The following GBF1 variants were observed in gnomAD, a reference collection of about 807,000 sequenced individuals.
The protein encoded by GBF1 is Golgi-specific brefeldin A-resistance guanine nucleotide exchange factor 1.
A neutral mutation model predicts 210.5 loss-of-function variants in GBF1; 114 were observed. The observed-to-expected ratio is 0.54, with a 90% CI of 0.47 to 0.63. The LOEUF (loss-of-function observed/expected upper bound fraction) is 0.63. GBF1 is among the 30% of genes least tolerant of loss of function. The pLI is 0.00. For missense variants in GBF1, 1,851 were observed against 2,357.7 expected, an observed-to-expected ratio of 0.79 and a Z score of 4.45; for synonymous variants, 850 against 889.2, an observed-to-expected ratio of 0.96 and a Z score of 0.78.
chr10:102,342,431 G>T (rs1013491971), intron 3 of GBF1, among the ~76,000 whole-genome samples: 1 of 151,180 alleles, frequency 6.6e-6, no homozygotes, highest in South Asian at 2.1e-4. Context: ...ACACACACAC[G>T]TTCTTCTCTA....
rs201533615 is a variant in GBF1 at position 102,260,060 on chromosome 10, G to A, written c.107G>A (p.Arg36Gln). 29 of 1,585,218 alleles carry A rather than the reference G, an allele frequency of 1.8e-5. No individual in the cohort carries two copies. The highest frequency in any genetic ancestry group is 2.2e-5 in the Non-Finnish European group (25 of 1,154,484). The change falls in exon 3 of 40, where the codon CGG becomes CAG. Residue 36 changes from arginine (R) to glutamine (Q), a missense_variant. Transcript: ENST00000369983. ...WSTHTPLDEE[R>Q]DPLLHSFGHL... is the part of the protein sequence containing the mutation. The stretch of plus-strand genomic sequence containing the variant: ...CTATGTGTTCTACAGGATGAAGAAC[G>A]GGATCCTCTGCTGCATAGTTTCGGT...
intron 1 of GBF1, among the ~76,000 whole-genome samples, chr10:102,256,118 G>T (rs1311014197): frequency 6.6e-6 from 1 of 152,034 alleles, no homozygotes; most frequent in South Asian, 2.1e-4. Flanking sequence ...GCTAATTTTT[G>T]TATTTTTTAT....
At chr10:102,350,585 C>T (rs535910852) in intron 4 of GBF1, among the ~76,000 whole-genome samples, 43 of 152,142 alleles carry the variant, frequency 2.8e-4, no homozygotes, top group African/African-American at 1.0e-3. Flanking sequence ...CCAGGCCCCT[C>T]GTCTATGAAA....
At chr10:102,358,272 C>CTG in intron 9 of GBF1, 86 bp downstream of exon 9, 1 of 1,236,058 alleles carries the variant, frequency 8.1e-7, no homozygotes, top group Non-Finnish European at 1.2e-6. Context: ...GACCAACCAA[C>CTG]TGAGGGGCTT....
chr10:102,284,197 TTTAGAAAAATA>T (rs2075749332), intron 3 of GBF1, among the ~76,000 whole-genome samples: 1 of 152,192 alleles, frequency 6.6e-6, no homozygotes, highest in African/African-American at 2.4e-5. Flanking sequence ...GTTAAAGCAC[TTTAGAAAAATA>T]AAGTCAAATT....
chr10:102,247,322 C>T (rs2070969117), intron 1 of GBF1, among the ~76,000 whole-genome samples: 1 of 152,140 alleles, frequency 6.6e-6, no homozygotes, highest in Non-Finnish European at 1.5e-5. Context: ...ATTATTTATG[C>T]TTCACCTGTG....
Position 102,301,703 on chromosome 10 carries a change from G to A in GBF1, c.163+41587G>A, listed in dbSNP as rs2077376454. The stretch of plus-strand genomic sequence containing the variant: ...CAGAGGCGCTCCCCACATCTCAGAC[G>A]ATGGGCGGCTGGGCAGAGACGCTCC... On this transcript the variant is annotated intron_variant, in intron 3 of 39. Coordinates refer to ENST00000369983, the MANE Select transcript of GBF1 (RefSeq NM_001377137.1). 2.6e-5 allele frequency among the ~76,000 whole-genome samples: 4 copies of A among 151,732 alleles called. No homozygotes were observed. In the South Asian group the frequency reaches 8.3e-4, roughly 32 times the overall value.
intron 3 of GBF1, among the ~76,000 whole-genome samples, chr10:102,293,062 T>C (rs1354549940): frequency 2.0e-5 from 3 of 152,226 alleles, no homozygotes; most frequent in African/African-American, 7.2e-5. Flanking sequence ...AGAGAACCTC[T>C]TCTATTTTCA....
intron 3 of GBF1, among the ~76,000 whole-genome samples, chr10:102,301,509 G>A (rs1488836805): frequency 2.9e-4 from 44 of 152,186 alleles, no homozygotes; most frequent in Non-Finnish European, 6.2e-4. Context: ...CCTCCCAGAC[G>A]GGGCGGCTGC....
At chr10:102,293,215 T>A (rs2076584792) in intron 3 of GBF1, among the ~76,000 whole-genome samples, 1 of 152,142 alleles carries the variant, frequency 6.6e-6, no homozygotes. Flanking sequence ...CATAAGATTA[T>A]AATGGAGGTA....
chr10:102,270,457 G>T (rs1312267482), intron 3 of GBF1, among the ~76,000 whole-genome samples: 1 of 152,124 alleles, frequency 6.6e-6, no homozygotes, highest in Non-Finnish European at 1.5e-5. Context: ...CTGCTCTCCA[G>T]TTTTTTATGA....
At chr10:102,287,900 A>G (rs1364585703) in intron 3 of GBF1, among the ~76,000 whole-genome samples, 1 of 152,202 alleles carries the variant, frequency 6.6e-6, no homozygotes, top group Non-Finnish European at 1.5e-5. Context: ...CAGGAAGTTA[A>G]ATGGAAATTT....
chr10:102,382,501 C>T lies in GBF1; in HGVS notation c.*165C>T, dbSNP rs544573883. Reference sequence around the variant, plus strand: ...AGAATGTTGATAGCCCCAGCTAAGACCCCCAATCAGCTGTGGGACCTTTTT... The same window carrying T: ...AGAATGTTGATAGCCCCAGCTAAGATCCCCAATCAGCTGTGGGACCTTTTT... On this transcript the variant is annotated 3_prime_UTR_variant, in exon 40 of 40. Coordinates refer to ENST00000369983, the MANE Select transcript of GBF1 (RefSeq NM_001377137.1). 3.3e-6 allele frequency: 2 copies of T among 599,098 alleles called. No individual in the cohort carries two copies. The highest frequency in any genetic ancestry group is 3.4e-5 in the Admixed American group (1 of 29,742). The allele number at this position is 599,098 out of a possible 1,614,324, so 37.1% of individuals were successfully genotyped here.
At chr10:102,347,091 T>A (rs1445165665) in intron 4 of GBF1, among the ~76,000 whole-genome samples, 2 of 152,230 alleles carry the variant, frequency 1.3e-5, no homozygotes, top group African/African-American at 4.8e-5. Flanking sequence ...TTTCCCTGAT[T>A]GGCAGCCCAT....
intron 1 of GBF1, among the ~76,000 whole-genome samples, chr10:102,258,414 T>G (rs1363513642): frequency 6.7e-6 from 1 of 148,310 alleles, no homozygotes; most frequent in African/African-American, 2.5e-5. Flanking sequence ...CCTCTGCCTC[T>G]CAAAGTGCTG....
At position 102,362,552 on chromosome 10, in the gene GBF1, C is replaced by G; in HGVS notation, c.1764C>G (p.Ser588Arg). The G allele has an allele frequency of 6.2e-7, 1 of 1,613,714 alleles. No individual in the cohort carries two copies. The highest frequency in any genetic ancestry group is 8.5e-7 in the Non-Finnish European group (1 of 1,179,612). Residue 588 changes from serine (S) to arginine (R), a missense_variant, in exon 15 of 40, where the codon AGC (serine) becomes AGG (arginine). Ser to Arg is a moderately radical substitution (Grantham distance 110, BLOSUM62 -1). Around this residue, in one of 3 missense-constraint regions of GBF1, gnomAD observed 804 missense variants for 958.6 expected, o/e 0.84. Coordinates refer to ENST00000369983, the MANE Select transcript of GBF1 (RefSeq NM_001377137.1). Reference protein sequence around the residue: ...SLDALLTVIDSTEAHCQAKVL... With the variant: ...SLDALLTVIDRTEAHCQAKVL... Reference sequence around the variant, plus strand: ...ATGCCCTATTGACAGTGATTGACAGCACCGAGGCCCACTGCCAGGCTAAAG... The same window carrying G: ...ATGCCCTATTGACAGTGATTGACAGGACCGAGGCCCACTGCCAGGCTAAAG...
At chr10:102,342,977 C>T (rs1418776916) in intron 3 of GBF1, among the ~76,000 whole-genome samples, 1 of 152,138 alleles carries the variant, frequency 6.6e-6, no homozygotes, top group Non-Finnish European at 1.5e-5. Flanking sequence ...GGGTTCAAAT[C>T]CCAGCTCTGC....
rs565837702 is a variant in GBF1 at position 102,338,310 on chromosome 10, G to A, written c.164-5741G>A. On this transcript the variant is annotated intron_variant, in intron 3 of 39. Transcript: ENST00000369983. ...GGCTGGAGTGCAGTGGTGCAGTCTCGGCTCACTGTAGCCTCTGCCTCCCAG... is the reference window on the plus strand; with the variant it reads ...GGCTGGAGTGCAGTGGTGCAGTCTCAGCTCACTGTAGCCTCTGCCTCCCAG... Among the ~76,000 whole-genome samples, 4 of 143,724 alleles carry A rather than the reference G, an allele frequency of 2.8e-5. No individual in the cohort carries two copies. In the South Asian group the frequency reaches 6.6e-4, roughly 24 times the overall value. 94.3% of individuals were successfully genotyped at this position (143,724 alleles called of 152,430 possible).
At chr10:102,364,242 T>C (rs1025179661) in intron 17 of GBF1, among the ~76,000 whole-genome samples, 1 of 144,332 alleles carries the variant, frequency 6.9e-6, no homozygotes, top group South Asian at 2.3e-4. Context: ...TTTTTTTTTT[T>C]CAGACGGAGT....
Sources: allele counts gnomAD v4.1 joint callset (sites outside exome capture counted in the v4.1 genomes callset), GRCh38; gene constraint gnomAD v4.1.1; regional missense constraint gnomAD v4.1.1; transcripts MANE v1.5; gene names NCBI Gene and HGNC (gene_info 2026-07-23, HGNC 2026-07-21).